Variants in ATP13A4 observed in about 807,000 individuals in gnomAD.
The protein encoded by ATP13A4 is probable cation-transporting ATPase 13A4.
ATP13A4 carries 114 observed loss-of-function variants against 142.5 expected under a neutral mutation model. The ratio of observed to expected loss-of-function variants is 0.80; its 90% CI spans 0.69 to 0.93. ATP13A4 has a LOEUF of 0.93. Among genes scored for constraint, ATP13A4 ranks in the 40% least tolerant of loss-of-function variants. The pLI is 0.00. For missense variants in ATP13A4, 1,392 were observed against 1,454.0 expected (o/e 0.96, Z 0.69); for synonymous variants, 488 against 514.8 (o/e 0.95, Z 0.70).
chr3:193,497,945 T>C (rs1720335037), intron 3 of ATP13A4, among the ~76,000 whole-genome samples: 1 of 152,112 alleles, frequency 6.6e-6, no homozygotes, highest in African/African-American at 2.4e-5. Context: ...TAGAGGAAGA[T>C]TGGTCAACAG....
In ATP13A4 at chr3:193,400,799, G is replaced by C. The variant is rs1714235834; in HGVS notation, c.*1853C>G. Among the ~76,000 whole-genome samples the C allele has an allele frequency of 6.6e-6, 1 of 152,170 alleles. No homozygotes were observed. The highest frequency in any genetic ancestry group is 2.4e-5 in the African/African-American group (1 of 41,438). ...AGTATGAACTGTGCAGGCTGATCTT[G>C]CTCATGACTAGGTCACAGACCATCT... On this transcript the variant is annotated 3_prime_UTR_variant, in exon 30 of 30. Coordinates refer to ENST00000342695, the MANE Select transcript of ATP13A4 (RefSeq NM_032279.4).
chr3:193,435,979 G>A (rs776359095), intron 23 of ATP13A4, among the ~76,000 whole-genome samples: 3 of 152,192 alleles, frequency 2.0e-5, no homozygotes, highest in Admixed American at 1.3e-4. Context: ...TCTGGTGATG[G>A]AGTCCAGATT....
chr3:193,438,211 T>G (rs1207387866), intron 23 of ATP13A4, among the ~76,000 whole-genome samples: 2 of 152,188 alleles, frequency 1.3e-5, no homozygotes, highest in Non-Finnish European at 2.9e-5. Context: ...TGATTGACAC[T>G]TTCAAAGCAA....
chr3:193,561,970 C>A (rs1724026875), intron 2 of ATP13A4, among the ~76,000 whole-genome samples: 1 of 152,194 alleles, frequency 6.6e-6, no homozygotes, highest in African/African-American at 2.4e-5. Context: ...GGAGTCCAAT[C>A]CTCTCCTCCT....
intron 17 of ATP13A4, among the ~76,000 whole-genome samples, chr3:193,450,584 AGAT>A: frequency 6.6e-6 from 1 of 152,196 alleles, no homozygotes; most frequent in Non-Finnish European, 1.5e-5. Context: ...TTGCTGTAGA[AGAT>A]GATATTTAAT....
intron 28 of ATP13A4, among the ~76,000 whole-genome samples, chr3:193,409,051 A>T (rs1469866784): frequency 6.6e-6 from 1 of 152,244 alleles, no homozygotes; most frequent in Non-Finnish European, 1.5e-5. Flanking sequence ...GGTTACCTCC[A>T]GGGAGAGGAA....
At chr3:193,403,997 G>A (rs1413009398) in intron 29 of ATP13A4, 1 of 985,300 alleles carries the variant, frequency 1.0e-6, no homozygotes, top group Non-Finnish European at 1.2e-6. Flanking sequence ...AGAACAGCCA[G>A]TCTGCATTAT....
Position 193,466,165 on chromosome 3 carries a change from C to T in ATP13A4, c.1132G>A (p.Gly378Arg). 1 of 1,613,940 alleles carries T rather than the reference C, an allele frequency of 6.2e-7. No individual in the cohort carries two copies. Among genetic ancestry groups the T allele is most frequent in the Non-Finnish European group, 8.5e-7 (1 of 1,179,910 alleles). Residue 378 changes from glycine (G) to arginine (R), a missense_variant, in exon 11 of 30, where the codon GGA (glycine) becomes AGA (arginine). By Grantham distance (125) the Gly-to-Arg change is moderately radical. Coordinates refer to ENST00000342695, the MANE Select transcript of ATP13A4 (RefSeq NM_032279.4). ...VLQTGFNTAK[G>R]DLVRSILYPK... ...TAGAGAATGGATCTCACAAGGTCTC[C>T]CTTTGCAGTGTTGAATCCTGGAACA...
Position 193,487,379 on chromosome 3 carries a change from T to C in ATP13A4, c.738+2351A>G, listed in dbSNP as rs552900573. ...AAAGTGTGAAGAAATGCTCAACTCG[T>C]AATGGAAAACGTGATTAGAGTTACT... On this transcript the variant is annotated intron_variant, in intron 7 of 29. Coordinates refer to ENST00000342695, the MANE Select transcript of ATP13A4 (RefSeq NM_032279.4). Among the ~76,000 whole-genome samples, 33 of 152,328 alleles carry C rather than the reference T, an allele frequency of 2.2e-4. 1 individual carries two copies. Among genetic ancestry groups the C allele is most frequent in the South Asian group, 6.2e-4 (3 of 4,824 alleles).
intron 13 of ATP13A4, 105 bp downstream of exon 13, chr3:193,462,657 A>G: frequency 2.7e-6 from 3 of 1,130,236 alleles, no homozygotes; most frequent in Middle Eastern, 2.0e-4. Flanking sequence ...ATTGTCCACC[A>G]AAGCCAAAGT....
chr3:193,442,175 T>C (rs1716681651), intron 19 of ATP13A4, among the ~76,000 whole-genome samples: 1 of 152,216 alleles, frequency 6.6e-6, no homozygotes, highest in South Asian at 2.1e-4. Context: ...ACAACCACTT[T>C]TTTAAGGTTA....
Position 193,492,955 on chromosome 3 carries a change from T to C in ATP13A4, c.495A>G (p.Lys165=). Residue 165 remains lysine, a synonymous_variant, in exon 5 of 30, where the codon AAA becomes AAG. Coordinates refer to ENST00000342695, the MANE Select transcript of ATP13A4 (RefSeq NM_032279.4). ...DWLSSAKIHQ[K]FGSGLTREEQ... ...CTTCTCTTGTCAAGCCTGATCCAAA[T>C]TTTTGATGTATCTTGGCAGAACTAA... The C allele has an allele frequency of 6.2e-7, 1 of 1,611,364 alleles. No homozygotes were observed. The highest frequency in any genetic ancestry group is 2.2e-5 in the East Asian group (1 of 44,784).
Position 193,410,996 on chromosome 3 carries a change from A to G in ATP13A4, c.3283T>C (p.Tyr1095His). 6.2e-7 allele frequency: 1 copy of G among 1,605,290 alleles called. No homozygotes were observed. The highest frequency in any genetic ancestry group is 8.5e-7 in the Non-Finnish European group (1 of 1,172,224). Residue 1095 changes from tyrosine (Y) to histidine (H), a missense_variant, in exon 28 of 30, where the codon TAT becomes CAT. Coordinates refer to ENST00000342695, the MANE Select transcript of ATP13A4 (RefSeq NM_032279.4). ...ATTAGACTTACATCCAAACGTCTAT[A>G]TAATTCTGGTATATCAGCAAATAGA... Reference protein sequence around the residue: ...FILFADIPELYRRLDLLCTPV... With the variant: ...FILFADIPELHRRLDLLCTPV...
At chr3:193,537,123 A>C (rs1189348666) in intron 1 of ATP13A4, among the ~76,000 whole-genome samples, 1 of 152,086 alleles carries the variant, frequency 6.6e-6, no homozygotes, top group Non-Finnish European at 1.5e-5. Flanking sequence ...ATTTATATTA[A>C]AAAATCAATA....
intron 1 of ATP13A4, among the ~76,000 whole-genome samples, chr3:193,582,498 T>A (rs10937590): frequency 1.4e-5 from 2 of 140,682 alleles, no homozygotes; most frequent in African/African-American, 5.3e-5. Context: ...ATGTATATAC[T>A]TATAAGTATA....
At chr3:193,573,627 G>A (rs1724335424) in intron 2 of ATP13A4, among the ~76,000 whole-genome samples, 1 of 151,994 alleles carries the variant, frequency 6.6e-6, no homozygotes, top group Non-Finnish European at 1.5e-5. Context: ...CACCACTCTA[G>A]GACTTCTAGC....
chr3:193,586,445 C>T (rs543176175), intron 1 of ATP13A4, among the ~76,000 whole-genome samples: 65 of 152,048 alleles, frequency 4.3e-4, no homozygotes, highest in Non-Finnish European at 7.5e-4. Context: ...CTTCAATAAG[C>T]TTCATAGTGT....
In ATP13A4 at chr3:193,399,654, C is replaced by T. The variant is rs898563799; in HGVS notation, c.*2998G>A. On this transcript the variant is annotated 3_prime_UTR_variant, in exon 30 of 30. Transcript: ENST00000342695. ...ACGAGGTCAGGAGATTGAAACCACC[C>T]TGGCTAACATGATGAAACCCCATCT... Among the ~76,000 whole-genome samples, 2 of 152,002 alleles carry T rather than the reference C, an allele frequency of 1.3e-5. No individual in the cohort carries two copies. The highest frequency in any genetic ancestry group is 4.8e-5 in the African/African-American group (2 of 41,388).
At chr3:193,508,206 A>G (rs541590279) in intron 2 of ATP13A4, among the ~76,000 whole-genome samples, 22 of 152,348 alleles carry the variant, frequency 1.4e-4, no homozygotes, top group African/African-American at 4.8e-4. Context: ...TCCCAGAACT[A>G]TGAAACAATA....
Sources: allele counts gnomAD v4.1 joint callset (sites outside exome capture counted in the v4.1 genomes callset), GRCh38; gene constraint gnomAD v4.1.1; transcripts MANE v1.5; gene names NCBI Gene and HGNC (gene_info 2026-07-23, HGNC 2026-07-21).